The following CNTNAP4 variants were observed in gnomAD, a reference collection of about 807,000 sequenced individuals.
The protein encoded by CNTNAP4 is contactin associated protein family member 4, also known as contactin-associated protein-like 4.
In CNTNAP4, 98 loss-of-function variants were observed where a neutral mutation model predicts 148.4. The ratio of observed to expected loss-of-function variants is 0.66; its 90% CI spans 0.56 to 0.78. CNTNAP4 has a LOEUF of 0.78. Among genes scored for constraint, CNTNAP4 ranks in the 30% least tolerant of loss-of-function variants. The pLI is 0.00. For synonymous variants in CNTNAP4, 730 were observed against 565.1 expected (o/e 1.29, Z -4.14); for missense variants, 1,935 against 1,565.6 (o/e 1.24, Z -3.98).
At chr16:76,333,841 C>T (rs1963774708) in intron 2 of CNTNAP4, among the ~76,000 whole-genome samples, 3 of 104,142 alleles carry the variant, frequency 2.9e-5, no homozygotes, top group South Asian at 6.0e-4. Context: ...GCCTATTCTT[C>T]CACAATGGTT....
At chr16:76,336,497 T>G (rs1231286420) in intron 2 of CNTNAP4, among the ~76,000 whole-genome samples, 1 of 152,186 alleles carries the variant, frequency 6.6e-6, no homozygotes, top group African/African-American at 2.4e-5. Context: ...TCAGAACTTA[T>G]CACTCATGAG....
intron 2 of CNTNAP4, among the ~76,000 whole-genome samples, chr16:76,340,974 T>C (rs1964424627): frequency 6.6e-6 from 1 of 152,212 alleles, no homozygotes; most frequent in Non-Finnish European, 1.5e-5. Flanking sequence ...AGTCCCATCT[T>C]TCAACAGTCA....
chr16:76,343,328 T>G (rs1003838453), intron 2 of CNTNAP4, among the ~76,000 whole-genome samples: 2 of 152,158 alleles, frequency 1.3e-5, no homozygotes, highest in African/African-American at 4.8e-5. Flanking sequence ...TTTAGAACTT[T>G]CCATTATACA....
At chr16:76,495,226 A>C in intron 14 of CNTNAP4, 160 bp downstream of exon 14, 1 of 650,980 alleles carries the variant, frequency 1.5e-6, no homozygotes, top group Non-Finnish European at 2.5e-6. Context: ...TATAATCGTT[A>C]GTATTAAGTC....
intron 2 of CNTNAP4, among the ~76,000 whole-genome samples, chr16:76,324,165 G>C (rs901890643): frequency 1.3e-5 from 2 of 152,134 alleles, no homozygotes; most frequent in African/African-American, 4.8e-5. Flanking sequence ...GGATGCTCCC[G>C]CCTTAGGAGA....
rs75239506 is a variant in CNTNAP4 at position 76,283,116 on chromosome 16, C to T, written c.85+5369C>T. Among the ~76,000 whole-genome samples, 905 of 151,862 alleles carry T rather than the reference C, an allele frequency of 6.0e-3. 9 individuals are homozygous for T. The highest frequency in any genetic ancestry group is 0.02 in the African/African-American group (850 of 41,482). ...GTGATCATCCACTGTAAGTAGACAA[C>T]GATTAGGGATAATGACATTGGCATT... On this transcript the variant is annotated intron_variant, in intron 1 of 23. Transcript: ENST00000611870.
chr16:76,469,373 TG>T (rs1026791267), intron 10 of CNTNAP4: 36 of 152,282 alleles, frequency 2.4e-4, no homozygotes, highest in African/African-American at 8.2e-4. Context: ...ACCTAAAACC[TG>T]ATTTAGGAGA....
intron 2 of CNTNAP4, among the ~76,000 whole-genome samples, chr16:76,351,484 ACT>A (rs1255474891): frequency 6.6e-6 from 1 of 152,116 alleles, no homozygotes; most frequent in East Asian, 1.9e-4. Context: ...CAAGCCTAAC[ACT>A]CTATCACACG....
intron 3 of CNTNAP4, among the ~76,000 whole-genome samples, chr16:76,418,308 A>C (rs1335274601): frequency 6.9e-6 from 1 of 144,570 alleles, no homozygotes; most frequent in Non-Finnish European, 1.5e-5. Flanking sequence ...TTTTTCTATT[A>C]CAGGTTTTTT....
intron 2 of CNTNAP4, among the ~76,000 whole-genome samples, chr16:76,342,546 C>T (rs1964563043): frequency 7.0e-6 from 1 of 141,958 alleles, no homozygotes; most frequent in Admixed American, 7.3e-5. Flanking sequence ...AATCTCGGCT[C>T]ACTGCAAGCT....
chr16:76,438,076 C>T (rs1028128028), intron 4 of CNTNAP4, among the ~76,000 whole-genome samples: 1 of 152,132 alleles, frequency 6.6e-6, no homozygotes, highest in African/African-American at 2.4e-5. Context: ...ATTTATCTTG[C>T]TTTTACCAAA....
chr16:76,291,772 A>G (rs567711485), intron 1 of CNTNAP4, among the ~76,000 whole-genome samples: 87 of 152,348 alleles, frequency 5.7e-4, no homozygotes, highest in Non-Finnish European at 1.0e-3. Flanking sequence ...TTGAAAAGTC[A>G]GTTTAAAATT....
intron 1 of CNTNAP4, among the ~76,000 whole-genome samples, chr16:76,295,469 A>C (rs1332914640): frequency 6.6e-6 from 1 of 152,166 alleles, no homozygotes; most frequent in East Asian, 1.9e-4. Flanking sequence ...AATTCTCAGG[A>C]GGGTGAAGGA....
intron 3 of CNTNAP4, among the ~76,000 whole-genome samples, chr16:76,376,180 C>T (rs1037708963): frequency 6.6e-6 from 1 of 151,666 alleles, no homozygotes; most frequent in Admixed American, 6.6e-5. Context: ...AACCTTTATG[C>T]AATTAAATGC....
At chr16:76,375,297 C>A (rs138273210) in intron 3 of CNTNAP4, among the ~76,000 whole-genome samples, 3 of 152,200 alleles carry the variant, frequency 2.0e-5, no homozygotes, top group African/African-American at 7.2e-5. Context: ...TGGCATGTGC[C>A]TGCAGTCCCA....
chr16:76,544,752 A>T (rs536258455), intron 21 of CNTNAP4, among the ~76,000 whole-genome samples: 1 of 150,768 alleles, frequency 6.6e-6, no homozygotes, highest in East Asian at 1.9e-4. Context: ...GATTGTTTTC[A>T]CTCTTTCTCA....
At chr16:76,342,078 C>T (rs1384589756) in intron 2 of CNTNAP4, among the ~76,000 whole-genome samples, 1 of 152,166 alleles carries the variant, frequency 6.6e-6, no homozygotes, top group African/African-American at 2.4e-5. Flanking sequence ...CAAAAAGCTG[C>T]TGTTCCTTTG....
intron 12 of CNTNAP4, among the ~76,000 whole-genome samples, chr16:76,482,037 T>C (rs1195001961): frequency 2.0e-5 from 3 of 151,900 alleles, no homozygotes; most frequent in Non-Finnish European, 2.9e-5. Context: ...TATTATACTG[T>C]AGTTTTAAGA....
In CNTNAP4 at chr16:76,558,646, A is replaced by G. The variant is rs758785470; in HGVS notation, c.3890A>G (p.Asn1297Ser). Residue 1297 changes from asparagine to serine, a missense_variant, in exon 24 of 24, where the codon AAT becomes AGT. Transcript: ENST00000611870. ...CTGAAAAGTGAGCTTAATATACAAAATGCAGTCAATGAAAATCAGAAAGAG... is the reference window on the plus strand; with the variant it reads ...CTGAAAAGTGAGCTTAATATACAAAGTGCAGTCAATGAAAATCAGAAAGAG... ...AVLKSELNIQ[N>S]AVNENQKEYF... 31 of 1,610,970 alleles carry G rather than the reference A, an allele frequency of 1.9e-5. No individual in the cohort carries two copies. In the African/African-American group the frequency reaches 4.1e-4, roughly 22 times the overall value.
Sources: allele counts gnomAD v4.1 joint callset (sites outside exome capture counted in the v4.1 genomes callset), GRCh38; gene constraint gnomAD v4.1.1; transcripts MANE v1.5; gene names NCBI Gene and HGNC (gene_info 2026-07-23, HGNC 2026-07-21).